The following NSF variants were observed in gnomAD, a reference collection of about 807,000 sequenced individuals.
NSF encodes the protein vesicle-fusing ATPase.
A neutral mutation model predicts 50.3 loss-of-function variants in NSF; 14 were observed. The observed-to-expected ratio is 0.28, with a 90% CI of 0.18 to 0.44. The LOEUF (loss-of-function observed/expected upper bound fraction) is 0.44, where lower values mean the gene tolerates loss of function less well. Ranked by LOEUF, NSF falls within the 20% of genes least tolerant of loss-of-function variation. NSF has a pLI of 1.00. For missense variants in NSF, 218 were observed against 504.3 expected, an observed-to-expected ratio of 0.43 and a Z score of 5.44; for synonymous variants, 109 against 175.7, an observed-to-expected ratio of 0.62 and a Z score of 3.00.
intron 9 of NSF, among the ~76,000 whole-genome samples, chr17:46,681,555 T>C (rs796345857): frequency 2.8e-5 from 4 of 143,094 alleles, no homozygotes; most frequent in Non-Finnish European, 4.4e-5. Context: ...ATATAACATC[T>C]CGTCTTCAAA....
chr17:46,707,282 A>G (rs1035191885), intron 13 of NSF, among the ~76,000 whole-genome samples: 4 of 152,234 alleles, frequency 2.6e-5, no homozygotes, highest in Non-Finnish European at 5.9e-5. Context: ...ATTGTGTGAA[A>G]TAGTGTCCAA....
At chr17:46,697,486 A>G (rs1381503063) in intron 12 of NSF, among the ~76,000 whole-genome samples, 1 of 147,880 alleles carries the variant, frequency 6.8e-6, no homozygotes, top group Non-Finnish European at 1.5e-5. Flanking sequence ...TTGGGATTAC[A>G]GGTGTGAGCC....
intron 9 of NSF, among the ~76,000 whole-genome samples, chr17:46,679,123 T>C (rs1041867165): frequency 2.0e-5 from 3 of 151,952 alleles, no homozygotes; most frequent in African/African-American, 7.3e-5. Context: ...TAAAGGAAAA[T>C]GAATTATTAC....
intron 8 of NSF, among the ~76,000 whole-genome samples, chr17:46,662,530 CTTATG>C: frequency 2.5e-5 from 2 of 80,826 alleles, no homozygotes; most frequent in African/African-American, 9.4e-5. Context: ...TTTAGTCTTC[CTTATG>C]TTAAGGTAAG....
chr17:46,754,417 G>A (rs1349306784), intron 19 of NSF, among the ~76,000 whole-genome samples: 1 of 152,088 alleles, frequency 6.6e-6, no homozygotes, highest in Non-Finnish European at 1.5e-5. Flanking sequence ...CTGAGCATTT[G>A]AAAGTTATTC....
intron 15 of NSF, among the ~76,000 whole-genome samples, chr17:46,715,534 T>G (rs2058760040): frequency 6.6e-6 from 1 of 152,234 alleles, no homozygotes. Flanking sequence ...GATGGTAAAT[T>G]ACTCCATTGC....
chr17:46,597,788 CTTTTT>C (rs1162187499), intron 1 of NSF, among the ~76,000 whole-genome samples: 1 of 44,168 alleles, frequency 2.3e-5, no homozygotes. Context: ...TTGCAATACT[CTTTTT>C]TTTTTTTTTT....
At chr17:46,745,828 C>A (rs1220360898) in intron 17 of NSF, among the ~76,000 whole-genome samples, 1 of 152,196 alleles carries the variant, frequency 6.6e-6, no homozygotes, top group African/African-American at 2.4e-5. Flanking sequence ...AATATAACAG[C>A]ACCACTTTTT....
chr17:46,720,506 T>C (rs370499531), intron 15 of NSF, among the ~76,000 whole-genome samples: 1 of 152,212 alleles, frequency 6.6e-6, no homozygotes, highest in Non-Finnish European at 1.5e-5. Context: ...GCCAAAAGTT[T>C]AGGTCCACTT....
At chr17:46,711,484 A>G (rs903402882) in intron 14 of NSF, among the ~76,000 whole-genome samples, 4 of 152,210 alleles carry the variant, frequency 2.6e-5, no homozygotes, top group African/African-American at 4.8e-5. Flanking sequence ...GTGTTCATTC[A>G]GTCTGGTCAT....
At chr17:46,722,454 C>T (rs1029381606) in intron 15 of NSF, among the ~76,000 whole-genome samples, 13 of 152,158 alleles carry the variant, frequency 8.5e-5, no homozygotes, top group Non-Finnish European at 1.9e-4. Flanking sequence ...TTACTTTTCT[C>T]GCATCTTTCT....
At chr17:46,751,755 A>G (rs1302356615) in intron 19 of NSF, 139 bp downstream of exon 19, 6 of 542,398 alleles carry the variant, frequency 1.1e-5, no homozygotes, top group African/African-American at 3.8e-5. Flanking sequence ...TTAATTTGGT[A>G]TTAGTAGCCT....
rs558535431 is a variant in NSF at position 46,746,395 on chromosome 17, A to G, written c.1909-3378A>G. On this transcript the variant is annotated intron_variant, in intron 17 of 20. Coordinates refer to ENST00000398238, the MANE Select transcript of NSF (RefSeq NM_006178.4). ...TTGGCACAGCAGGTGGATAAAAACA[A>G]TGAGTAACATTGAGAAAGGCTAATG... 6.6e-5 allele frequency among the ~76,000 whole-genome samples: 10 copies of G among 152,356 alleles called. No individual in the cohort carries two copies. In the East Asian group the frequency reaches 1.3e-3, roughly 21 times the overall value.
chr17:46,619,790 A>C (rs2058052804), intron 1 of NSF, among the ~76,000 whole-genome samples: 1 of 87,728 alleles, frequency 1.1e-5, no homozygotes, highest in African/African-American at 4.8e-5. Flanking sequence ...AAAAAAAAAA[A>C]AAAAAACCCA....
At chr17:46,751,054 T>G (rs2059177732) in intron 18 of NSF, among the ~76,000 whole-genome samples, 1 of 152,174 alleles carries the variant, frequency 6.6e-6, no homozygotes, top group South Asian at 2.1e-4. Flanking sequence ...CAGTAAAGCT[T>G]CTTAAAGTCC....
intron 11 of NSF, 40 bp from the exon 12 acceptor site, chr17:46,694,435 G>A (rs1175276205): frequency 1.2e-5 from 11 of 886,160 alleles, no homozygotes; most frequent in Middle Eastern, 2.5e-4. Context: ...TGGTGCTTTC[G>A]AGACTAGGAA....
At chr17:46,751,378 G>C (rs1319542861) in intron 18 of NSF, 125 bp from the exon 19 acceptor site, 2 of 695,154 alleles carry the variant, frequency 2.9e-6, no homozygotes, top group Non-Finnish European at 5.0e-6. Flanking sequence ...TAAAGTAGGA[G>C]AGAATTCTAT....
intron 13 of NSF, among the ~76,000 whole-genome samples, chr17:46,707,740 C>G (rs899638147): frequency 2.0e-5 from 3 of 151,922 alleles, no homozygotes; most frequent in African/African-American, 7.3e-5. Flanking sequence ...GGATAATACT[C>G]CATTATATGG....
Position 46,713,873 on chromosome 17 carries a change from A to G in NSF, c.1648A>G (p.Thr550Ala), listed in dbSNP as rs763244195. ...TGCAGGCCCTCCTCACAGTGGGAAG[A>G]CTGCTTTAGCTGCAAAAATTGCAGA... is the stretch of plus-strand genomic sequence containing the variant. ...LLEGPPHSGK[T>A]ALAAKIAEES... is the part of the protein sequence containing the mutation. The change falls in exon 15 of 21, where the codon ACT (threonine) becomes GCT (alanine). Residue 550 changes from threonine (T) to alanine (A), a missense_variant. Thr to Ala is a moderately conservative substitution (Grantham distance 58). Coordinates refer to ENST00000398238, the MANE Select transcript of NSF (RefSeq NM_006178.4). 1.9e-6 allele frequency: 3 copies of G among 1,611,722 alleles called. No individual in the cohort carries two copies. The Admixed American group carries it at 5.1e-5, about 27-fold the overall frequency.
Sources: gnomAD v4.1 joint callset for allele counts (sites outside exome capture counted in the v4.1 genomes callset) on GRCh38, gnomAD v4.1.1 for gene constraint, MANE v1.5 for transcripts, NCBI Gene and HGNC (gene_info 2026-07-23, HGNC 2026-07-21) for gene names.